The following REL variants were observed in gnomAD, a reference collection of about 807,000 sequenced individuals.
The protein encoded by REL is proto-oncogene c-Rel.
In REL, 15 loss-of-function variants were observed where a neutral mutation model predicts 45.9. The observed-to-expected ratio is 0.33, with a 90% CI of 0.22 to 0.50. The LOEUF (loss-of-function observed/expected upper bound fraction) is 0.50. Among genes scored for constraint, REL ranks in the 20% least tolerant of loss-of-function variants. The pLI, the probability that REL is intolerant of heterozygous loss-of-function variation, is 0.98. For missense variants in REL, 601 were observed against 715.2 expected, an observed-to-expected ratio of 0.84 and a Z score of 1.82; for synonymous variants, 239 against 242.1, an observed-to-expected ratio of 0.99 and a Z score of 0.12.
At chr2:60,904,485 C>A (rs186223087) in intron 4 of REL, among the ~76,000 whole-genome samples, 1 of 151,468 alleles carries the variant, frequency 6.6e-6, no homozygotes, top group East Asian at 1.9e-4. Context: ...GCAGGAGAAT[C>A]GCTTGAACCC....
In REL at chr2:60,924,808, T is replaced by A. The variant is rs1674231215; in HGVS notation, c.*2273T>A. The A allele has an allele frequency of 4.8e-6, 1 of 207,282 alleles. No individual in the cohort carries two copies. Among genetic ancestry groups the A allele is most frequent in the African/African-American group, 2.3e-5 (1 of 44,002 alleles). 12.8% of individuals were successfully genotyped at this position (207,282 alleles called of 1,614,324 possible). On this transcript the variant is annotated 3_prime_UTR_variant, in exon 10 of 10. Transcript: ENST00000394479. ...TGGTTTCAAATGGTGAGCTGAATGC[T>A]GGGTAATCTCTACTAGCTCCTTAAT...
At chr2:60,905,925 G>A (rs1357478081) in intron 4 of REL, among the ~76,000 whole-genome samples, 3 of 152,154 alleles carry the variant, frequency 2.0e-5, no homozygotes, top group African/African-American at 7.2e-5. Context: ...GATACCCTAT[G>A]TATTAGTCCG....
chr2:60,903,343 G>A (rs1475741424), intron 4 of REL, among the ~76,000 whole-genome samples: 1 of 152,184 alleles, frequency 6.6e-6, no homozygotes, highest in Non-Finnish European at 1.5e-5. Context: ...GCATTAAAAA[G>A]GAAGATGCTG....
Position 60,929,247 on chromosome 2 carries a change from G to T in REL, c.*6712G>T, listed in dbSNP as rs879352698. On this transcript the variant is annotated 3_prime_UTR_variant, in exon 10 of 10. Transcript: ENST00000394479. ...GGGACTGTAAACTAGTTCAACCATTGTGGAAGTCAGTGTGGCGATTCCTCA... is the reference window on the plus strand; with the variant it reads ...GGGACTGTAAACTAGTTCAACCATTTTGGAAGTCAGTGTGGCGATTCCTCA... 9.4e-5 allele frequency: 14 copies of T among 148,482 alleles called. No homozygotes were observed. Among genetic ancestry groups the T allele is most frequent in the Non-Finnish European group, 1.9e-4 (13 of 66,938 alleles). 9.2% of individuals were successfully genotyped at this position (148,482 alleles called of 1,614,324 possible).
intron 1 of REL, among the ~76,000 whole-genome samples, chr2:60,884,097 A>G (rs1291050522): frequency 6.8e-6 from 1 of 147,818 alleles, no homozygotes; most frequent in African/African-American, 2.5e-5. Context: ...CGGAAGAGTG[A>G]CCAAAAAAAA....
chr2:60,909,640 C>CGAG (rs1673755857), intron 4 of REL, among the ~76,000 whole-genome samples: 3 of 152,160 alleles, frequency 2.0e-5, no homozygotes, highest in Admixed American at 6.5e-5. Flanking sequence ...CAGTGGCTCA[C>CGAG]GCCTGTAATC....
intron 1 of REL, among the ~76,000 whole-genome samples, chr2:60,884,770 TAGGA>T (rs942262975): frequency 2.0e-5 from 3 of 152,156 alleles, no homozygotes; most frequent in African/African-American, 7.2e-5. Context: ...TGTCACACAA[TAGGA>T]AGGAAGTACA....
At chr2:60,905,296 G>A (rs550012049) in intron 4 of REL, among the ~76,000 whole-genome samples, 4 of 152,104 alleles carry the variant, frequency 2.6e-5, no homozygotes, top group African/African-American at 4.8e-5. Context: ...GGGTTTCATC[G>A]TGTTAGCCAG....
chr2:60,921,463 C>A (rs1467063389), intron 9 of REL, among the ~76,000 whole-genome samples: 2 of 152,002 alleles, frequency 1.3e-5, no homozygotes, highest in South Asian at 2.1e-4. Context: ...TTCAAAAATA[C>A]CTTTATAGAG....
Position 60,891,711 on chromosome 2 carries a change from T to C in REL, c.39T>C (p.Ile13=). 5.6e-6 allele frequency: 9 copies of C among 1,613,912 alleles called. No homozygotes were observed. The highest frequency in any genetic ancestry group is 7.6e-6 in the Non-Finnish European group (9 of 1,179,896). The stretch of plus-strand genomic sequence containing the variant: ...CGTATAACCCGTATATAGAGATAAT[T>C]GAACAACCCAGGCAGAGGGGAATGC... The part of the protein sequence containing the change: ...SGAYNPYIEI[I]EQPRQRGMRF... Residue 13 remains isoleucine (I), a synonymous_variant, in exon 2 of 10, where the codon ATT becomes ATC. Transcript: ENST00000394479.
intron 1 of REL, 100 bp downstream of exon 1, chr2:60,881,950 G>T (rs532419351): frequency 2.6e-5 from 20 of 769,220 alleles, no homozygotes; most frequent in East Asian, 1.3e-4. Flanking sequence ...TTGCTGGGGC[G>T]CGTTCTGTCT....
At chr2:60,898,428 C>T (rs1357943540) in intron 3 of REL, among the ~76,000 whole-genome samples, 6 of 152,176 alleles carry the variant, frequency 3.9e-5, no homozygotes, top group African/African-American at 1.4e-4. Context: ...TCCTCTGTTT[C>T]CACTGCTCTT....
intron 1 of REL, among the ~76,000 whole-genome samples, chr2:60,885,784 A>G (rs1006323842): frequency 1.3e-5 from 2 of 152,220 alleles, no homozygotes; most frequent in African/African-American, 4.8e-5. Flanking sequence ...TATGAGAGAC[A>G]TGCAGTCTAG....
rs1243647731 is a variant in REL, at chr2:60,925,360, G to C, written c.*2825G>C. ...GGAAATAGGGAAGACAGCAAAGTGA[G>C]ACTTGGGCTCAGGATGGTTCAGGAA... On this transcript the variant is annotated 3_prime_UTR_variant, in exon 10 of 10. Transcript: ENST00000394479. 1 of 191,222 alleles carries C rather than the reference G, an allele frequency of 5.2e-6. No individual in the cohort carries two copies. The highest frequency in any genetic ancestry group is 8.2e-5 in the East Asian group (1 of 12,246). 11.8% of individuals were successfully genotyped at this position (191,222 alleles called of 1,614,324 possible).
At chr2:60,886,633 A>G (rs949801107) in intron 1 of REL, among the ~76,000 whole-genome samples, 3 of 152,172 alleles carry the variant, frequency 2.0e-5, no homozygotes, top group Non-Finnish European at 2.9e-5. Context: ...TATAATTACA[A>G]TAATTAGCTT....
chr2:60,904,375 C>T (rs189630338), intron 4 of REL, among the ~76,000 whole-genome samples: 3 of 151,008 alleles, frequency 2.0e-5, no homozygotes, highest in African/African-American at 7.3e-5. Flanking sequence ...GCACTCCAGC[C>T]TGGGCGACAG....
intron 1 of REL, among the ~76,000 whole-genome samples, chr2:60,888,147 TG>T (rs1365862243): frequency 6.6e-6 from 1 of 152,198 alleles, no homozygotes; most frequent in Non-Finnish European, 1.5e-5. Flanking sequence ...CAGGCTGGTC[TG>T]GAACTCCTGA....
chr2:60,898,970 A>C (rs894132307), intron 3 of REL: 2 of 152,262 alleles, frequency 1.3e-5, no homozygotes, highest in Non-Finnish European at 2.9e-5. Flanking sequence ...TTCATTTCAG[A>C]ATTTCAAAAA....
At chr2:60,889,502 T>A (rs898893231) in intron 1 of REL, among the ~76,000 whole-genome samples, 1 of 152,206 alleles carries the variant, frequency 6.6e-6, no homozygotes, top group Admixed American at 6.5e-5. Flanking sequence ...TTAGGGTACA[T>A]GTACACATCG....
Sources: allele counts gnomAD v4.1 joint callset (sites outside exome capture counted in the v4.1 genomes callset), GRCh38; gene constraint gnomAD v4.1.1; transcripts MANE v1.5; gene names NCBI Gene and HGNC (gene_info 2026-07-23, HGNC 2026-07-21).